The following CNTNAP1 variants were observed in gnomAD, a reference collection of about 807,000 sequenced individuals.
CNTNAP1 encodes contactin associated protein 1.
A neutral mutation model predicts 161.5 loss-of-function variants in CNTNAP1; 80 were observed. The ratio of observed to expected loss-of-function variants is 0.50; its 90% CI spans 0.41 to 0.60. CNTNAP1 has a LOEUF of 0.60. Ranked by LOEUF, CNTNAP1 falls within the 20% of genes least tolerant of loss-of-function variation. The pLI is 0.00. For missense variants in CNTNAP1, 1,464 were observed against 1,854.8 expected, an observed-to-expected ratio of 0.79 and a Z score of 3.87; for synonymous variants, 695 against 733.1, an observed-to-expected ratio of 0.95 and a Z score of 0.84.
Position 42,686,996 on chromosome 17 carries a change from G to C in CNTNAP1, c.994G>C (p.Val332Leu), listed in dbSNP as rs1192331111. The C allele has an allele frequency of 6.2e-7, 1 of 1,613,992 alleles. No homozygotes were observed. The highest frequency in any genetic ancestry group is 8.5e-7 in the Non-Finnish European group (1 of 1,179,936). Residue 332 changes from valine (V) to leucine (L), a missense_variant, in exon 7 of 24, where the codon GTC becomes CTC. By Grantham distance (32) the Val-to-Leu change is conservative. Around this residue, in one of 3 missense-constraint regions of CNTNAP1, gnomAD observed 1,383 missense variants for 1,765.0 expected, o/e 0.78. Transcript: ENST00000264638. ...CATAGAAAACGTAATCTTCAACCGC[G>C]TCAACATCGCAGACCTGGCCGTGCG... is the stretch of plus-strand genomic sequence containing the variant. ...GCIENVIFNR[V>L]NIADLAVRRH...
Position 42,684,119 on chromosome 17 carries a change from G to A in CNTNAP1, c.253G>A (p.Val85Met), listed in dbSNP as rs771709079. 1.2e-6 allele frequency: 2 copies of A among 1,614,222 alleles called. No homozygotes were observed. The highest frequency in any genetic ancestry group is 1.7e-5 in the Admixed American group (1 of 60,034). Reference protein sequence around the residue: ...DLMKKHRIRAVATQGSFNSWD... With the variant: ...DLMKKHRIRAMATQGSFNSWD... The stretch of plus-strand genomic sequence containing the variant: ...AATGAAGAAGCACCGGATCCGGGCC[G>A]TGGCCACACAGGGCTCCTTTAATTC... The change falls in exon 3 of 24, where the codon GTG becomes ATG. Residue 85 changes from valine (V) to methionine (M), a missense_variant. Physicochemically the swap from Val to Met is conservative, Grantham distance 21 (BLOSUM62 1). Transcript: ENST00000264638.
In CNTNAP1 at chr17:42,685,450, G is replaced by A. The variant is rs373521234; in HGVS notation, c.715+30G>A. 2.3e-5 allele frequency: 37 copies of A among 1,582,604 alleles called. No homozygotes were observed. In the East Asian group the frequency reaches 7.7e-4, roughly 33 times the overall value. ...GCTCGGCGACCATGTGCGATGCGGA[G>A]CCAACCCCTGAAGCTCTCTCACCGC... On this transcript the variant is annotated intron_variant, in intron 5 of 23. Coordinates refer to ENST00000264638, the MANE Select transcript of CNTNAP1 (RefSeq NM_003632.3). The surrounding 1 kb of genome is among the most constrained non-coding windows in gnomAD (Gnocchi z 5.0).
chr17:42,686,469 G>GTTTTTTGT, intron 6 of CNTNAP1, among the ~76,000 whole-genome samples: 1 of 71,376 alleles, frequency 1.4e-5, no homozygotes, highest in East Asian at 4.5e-4. Flanking sequence ...AAAAAGGCCT[G>GTTTTTTGT]TTTTTTTTTT....
rs2053001987 is a variant in CNTNAP1 at position 42,686,049 on chromosome 17, C to A, written c.808C>A (p.Arg270=). 2 of 1,614,046 alleles carry A rather than the reference C, an allele frequency of 1.2e-6. No individual in the cohort carries two copies. Among genetic ancestry groups the A allele is most frequent in the Non-Finnish European group, 1.7e-6 (2 of 1,180,004 alleles). The change falls in exon 6 of 24, where the codon CGA becomes AGA. Residue 270 remains arginine, a synonymous_variant. Transcript: ENST00000264638. ...DQHWHYVRVD[R]FGRDVNFTLD... is the part of the protein sequence containing the mutation. ...GCACTGGCACTATGTGCGGGTGGAC[C>A]GATTTGGCCGCGATGTAAATTTCAC...
chr17:42,688,385 C>T, intron 8 of CNTNAP1, 77 bp from the exon 9 acceptor site: 2 of 1,594,480 alleles, frequency 1.3e-6, no homozygotes, highest in Admixed American at 1.7e-5. Context: ...AGTGGGGCTG[C>T]TGCTTCCCCA....
chr17:42,695,924 C>T, intron 19 of CNTNAP1, 50 bp downstream of exon 19: 1 of 1,596,142 alleles, frequency 6.3e-7, no homozygotes. Flanking sequence ...CCCCGGTGCC[C>T]CTAATTCTCC....
chr17:42,697,524 T>A (rs377124193), intron 21 of CNTNAP1, 30 bp from the exon 22 acceptor site: 11 of 1,612,570 alleles, frequency 6.8e-6, no homozygotes, highest in African/African-American at 4.0e-5. Context: ...TGGGTCCAAG[T>A]CCCTCTTTCT....
At chr17:42,689,990 C>G (rs1265284030) in intron 11 of CNTNAP1, 98 bp from the exon 12 acceptor site, 1 of 1,410,534 alleles carries the variant, frequency 7.1e-7, no homozygotes, top group Non-Finnish European at 9.9e-7. Context: ...ATGCACCACC[C>G]CGGCCTCCCA....
chr17:42,694,332 C>T (rs912382722), intron 18 of CNTNAP1, among the ~76,000 whole-genome samples: 4 of 150,258 alleles, frequency 2.7e-5, no homozygotes, highest in East Asian at 2.0e-4. Context: ...CCACCACACC[C>T]GGCTAATTTT....
chr17:42,692,633 C>T lies in CNTNAP1; in HGVS notation c.2665C>T (p.Leu889Phe), dbSNP rs2053103148. 1.2e-6 allele frequency: 2 copies of T among 1,614,102 alleles called. No individual in the cohort carries two copies. Among genetic ancestry groups the T allele is most frequent in the African/African-American group, 2.7e-5 (2 of 74,940 alleles). The change falls in exon 17 of 24, where the codon CTC (leucine) becomes TTC (phenylalanine). Residue 889 changes from leucine (L) to phenylalanine (F), a missense_variant. Coordinates refer to ENST00000264638, the MANE Select transcript of CNTNAP1 (RefSeq NM_003632.3). ...RAEINVKQAR[L>F]RVDHRPWVLR... ...TGAAATCAACGTGAAGCAGGCCCGG[C>T]TCCGAGTGGATCACCGGCCCTGGGT...
Position 42,693,536 on chromosome 17 carries a change from G to C in CNTNAP1, c.2992G>C (p.Asp998His). The change falls in exon 18 of 24, where the codon GAT (aspartate) becomes CAT (histidine). Residue 998 changes from aspartate (D) to histidine (H), a missense_variant and splice_region_variant. Physicochemically the swap from Asp to His is moderately conservative, Grantham distance 81. This residue lies in a region of CNTNAP1 where 1,383 missense variants were observed against 1,765.0 expected (regional missense o/e 0.78). Coordinates refer to ENST00000264638, the MANE Select transcript of CNTNAP1 (RefSeq NM_003632.3). ...TAFDGPYCNH[D>H]IGGFFEPGTW... ...TTTTGATGGGCCATACTGCAACCAC[G>C]GTAAGTGCTGCTGGTTATGGGGCAA... 1 of 1,612,200 alleles carries C rather than the reference G, an allele frequency of 6.2e-7. No homozygotes were observed. The highest frequency in any genetic ancestry group is 8.5e-7 in the Non-Finnish European group (1 of 1,178,324).
rs149572769 is a variant in CNTNAP1, at chr17:42,696,438, CT to C, written c.3474+287del. On this transcript the variant is annotated intron_variant, in intron 20 of 23. Coordinates refer to ENST00000264638, the MANE Select transcript of CNTNAP1 (RefSeq NM_003632.3). ...TCCCGGGTTCAAGCAATTCTTCTGC[CT>C]CAGCCTCCCGAGCAGCTGAGATTAC... 0.016 allele frequency among the ~76,000 whole-genome samples: 2,366 copies of C among 151,566 alleles called. 61 individuals are homozygous for C. The highest frequency in any genetic ancestry group is 0.053 in the African/African-American group (2,168 of 41,268).
At chr17:42,683,130 G>T in intron 1 of CNTNAP1, 1 of 606,868 alleles carries the variant, frequency 1.6e-6, no homozygotes. Context: ...AGCGGGCAGG[G>T]ATTTGGGGTT....
Position 42,690,156 on chromosome 17 carries a change from C to A in CNTNAP1, c.1804C>A (p.Pro602Thr), listed in dbSNP as rs765042177. 6 of 1,614,024 alleles carry A rather than the reference C, an allele frequency of 3.7e-6. No homozygotes were observed. The highest frequency in any genetic ancestry group is 5.1e-6 in the Non-Finnish European group (6 of 1,179,956). Residue 602 changes from proline to threonine, a missense_variant, in exon 12 of 24, where the codon CCT becomes ACT. Around this residue, in one of 3 missense-constraint regions of CNTNAP1, gnomAD observed 1,383 missense variants for 1,765.0 expected, o/e 0.78. Transcript: ENST00000264638. The stretch of plus-strand genomic sequence containing the variant: ...AACTTCTGGAAACTTCACCATTGAT[C>A]CTGATGGCAGTGGCCCCCTGAAGCC... The part of the protein sequence containing the change: ...GKTSGNFTID[P>T]DGSGPLKPFV...
At position 42,691,845 on chromosome 17, in the gene CNTNAP1, C is replaced by T. The variant is rs1176238352; in HGVS notation, c.2384C>T (p.Ala795Val). 5.6e-6 allele frequency: 9 copies of T among 1,614,036 alleles called. No individual in the cohort carries two copies. The highest frequency in any genetic ancestry group is 7.6e-6 in the Non-Finnish European group (9 of 1,180,038). Residue 795 changes from alanine to valine, a missense_variant, in exon 16 of 24, where the codon GCA (alanine) becomes GTA (valine). By Grantham distance (64) the Ala-to-Val change is moderately conservative. This residue lies in a region of CNTNAP1 where 1,383 missense variants were observed against 1,765.0 expected (regional missense o/e 0.78). Coordinates refer to ENST00000264638, the MANE Select transcript of CNTNAP1 (RefSeq NM_003632.3). This position sits in a 1 kb window ranked among gnomAD's most constrained non-coding sequence, Gnocchi z 4.3. ...ACCATTTCCTTCCACACCGGGGCTG[C>T]ACTACGCTTCCCCCCAATCCGTGCC... ...WNTISFHTGA[A>V]LRFPPIRANH...
rs765598952 is a variant in CNTNAP1, at chr17:42,698,878, C to T, written c.4123C>T (p.Pro1375Ser). Residue 1375 changes from proline to serine, a missense_variant, in exon 24 of 24, where the codon CCC (proline) becomes TCC (serine). Pro to Ser is a moderately conservative substitution (Grantham distance 74). Coordinates refer to ENST00000264638, the MANE Select transcript of CNTNAP1 (RefSeq NM_003632.3). ...PAPGPRDQNL[P>S]QILEESRSE ...CCCTGGCCCCCGGGATCAGAACCTA[C>T]CCCAGATCCTGGAGGAGTCCAGGTC... 3 of 1,568,708 alleles carry T rather than the reference C, an allele frequency of 1.9e-6. No homozygotes were observed. Among genetic ancestry groups the T allele is most frequent in the Non-Finnish European group, 2.6e-6 (3 of 1,163,192 alleles).
chr17:42,692,553 C>T lies in CNTNAP1; in HGVS notation c.2585C>T (p.Thr862Ile). The change falls in exon 17 of 24, where the codon ACA becomes ATA. Residue 862 changes from threonine to isoleucine, a missense_variant. Coordinates refer to ENST00000264638, the MANE Select transcript of CNTNAP1 (RefSeq NM_003632.3). ...FDVGNGDENL[T>I]VHSDDFEFND... ...GTGGGGAATGGGGATGAGAACCTCA[C>T]AGTACACTCAGACGACTTTGAGTTC... 6.2e-7 allele frequency: 1 copy of T among 1,614,196 alleles called. No homozygotes were observed. The highest frequency in any genetic ancestry group is 2.2e-5 in the East Asian group (1 of 44,884).
At chr17:42,688,694 G>T in intron 9 of CNTNAP1, 83 bp downstream of exon 9, 1 of 1,588,624 alleles carries the variant, frequency 6.3e-7, no homozygotes, top group Non-Finnish European at 8.6e-7. Flanking sequence ...GCCACATGGA[G>T]AATTTTGGAG....
rs1306241959 is a variant in CNTNAP1, at chr17:42,691,141, C to A, written c.2064C>A (p.Gly688=). The A allele has an allele frequency of 5.0e-6, 8 of 1,613,722 alleles. No individual in the cohort carries two copies. Among genetic ancestry groups the A allele is most frequent in the Non-Finnish European group, 6.8e-6 (8 of 1,179,894 alleles). Residue 688 remains glycine (G), a synonymous_variant, in exon 14 of 24, where the codon GGC becomes GGA. Coordinates refer to ENST00000264638, the MANE Select transcript of CNTNAP1 (RefSeq NM_003632.3). The surrounding 1 kb of genome is among the most constrained non-coding windows in gnomAD (Gnocchi z 4.3). Reference sequence around the variant, plus strand: ...CTGCCTGCACCTCTTCCCCAGGAGGCTACCCCTACAGCTTTTGGATTGGCC... The same window carrying A: ...CTGCCTGCACCTCTTCCCCAGGAGGATACCCCTACAGCTTTTGGATTGGCC... ...YNSRLLNTAG[G]YPYSFWIGRN...
Sources: allele counts gnomAD v4.1 joint callset (sites outside exome capture counted in the v4.1 genomes callset), GRCh38; gene constraint gnomAD v4.1.1; regional missense constraint gnomAD v4.1.1; non-coding constraint Gnocchi (gnomAD v3.1); transcripts MANE v1.5; gene names NCBI Gene and HGNC (gene_info 2026-07-23, HGNC 2026-07-21).